SACM1L: variants seen among roughly 807,000 people sequenced by gnomAD.
The protein encoded by SACM1L is SAC1 like phosphatidylinositide phosphatase, also known as phosphatidylinositol-3-phosphatase SAC1.
Under a neutral mutation model 89.5 loss-of-function variants are expected in SACM1L, and 32 were observed. The ratio of observed to expected loss-of-function variants is 0.36; its 90% CI spans 0.27 to 0.48. The LOEUF (loss-of-function observed/expected upper bound fraction) is 0.48, where lower values mean the gene tolerates loss of function less well. SACM1L is among the 20% of genes least tolerant of loss of function. SACM1L has a pLI of 0.99. For synonymous variants in SACM1L, 213 were observed against 232.8 expected, an observed-to-expected ratio of 0.92 and a Z score of 0.77; for missense variants, 543 against 708.5, an observed-to-expected ratio of 0.77 and a Z score of 2.65.
At position 45,744,700 on chromosome 3, in the gene SACM1L, C is replaced by T. The variant is rs545354768; in HGVS notation, c.*1031C>T. Reference sequence around the variant, plus strand: ...ACTCCAAATCAAGGACCAACTTAAACGTTAATTTTTGTGCAAAAACAAACC... The same window carrying T: ...ACTCCAAATCAAGGACCAACTTAAATGTTAATTTTTGTGCAAAAACAAACC... On this transcript the variant is annotated 3_prime_UTR_variant, in exon 20 of 20. Transcript: ENST00000389061. The T allele has an allele frequency of 6.6e-6, 1 of 152,570 alleles. No individual in the cohort carries two copies. The highest frequency in any genetic ancestry group is 2.4e-5 in the African/African-American group (1 of 41,428). The allele number at this position is 152,570 out of a possible 1,614,324, so 9.5% of individuals were successfully genotyped here.
intron 13 of SACM1L, among the ~76,000 whole-genome samples, chr3:45,732,449 C>T (rs1426408496): frequency 6.6e-6 from 1 of 152,164 alleles, no homozygotes; most frequent in Non-Finnish European, 1.5e-5. Context: ...TTTGTATTGT[C>T]GTTTCCACTA....
chr3:45,721,225 A>G (rs1698779927), intron 8 of SACM1L, among the ~76,000 whole-genome samples: 1 of 152,240 alleles, frequency 6.6e-6, no homozygotes, highest in Admixed American at 6.5e-5. Flanking sequence ...AAAATATTAT[A>G]AACTAGCCTA....
intron 5 of SACM1L, among the ~76,000 whole-genome samples, chr3:45,711,473 T>A (rs1698528230): frequency 6.6e-6 from 1 of 151,804 alleles, no homozygotes; most frequent in Non-Finnish European, 1.5e-5. Flanking sequence ...CAAAAAAATT[T>A]AAAAATTAAT....
chr3:45,699,683 G>C (rs1440501458), intron 1 of SACM1L, among the ~76,000 whole-genome samples: 1 of 151,986 alleles, frequency 6.6e-6, no homozygotes, highest in Non-Finnish European at 1.5e-5. Flanking sequence ...CACCACACCT[G>C]GCTAATTTTT....
intron 1 of SACM1L, among the ~76,000 whole-genome samples, chr3:45,699,284 AAAAT>A (rs891227259): frequency 1.5e-4 from 23 of 151,174 alleles, no homozygotes; most frequent in Admixed American, 4.6e-4. Context: ...AAGTATAATT[AAAAT>A]AAATAAATAA....
Position 45,706,839 on chromosome 3 carries a change from G to T in SACM1L, c.265G>T (p.Val89Phe). 2 of 1,612,916 alleles carry T rather than the reference G, an allele frequency of 1.2e-6. No individual in the cohort carries two copies. Among genetic ancestry groups the T allele is most frequent in the Non-Finnish European group, 1.7e-6 (2 of 1,179,172 alleles). The change falls in exon 4 of 20, where the codon GTC becomes TTC. Residue 89 changes from valine to phenylalanine, a missense_variant. Val to Phe is a conservative substitution (Grantham distance 50, BLOSUM62 -1). Coordinates refer to ENST00000389061, the MANE Select transcript of SACM1L (RefSeq NM_014016.5). ...IKVGEFFSHVVWKATDFDVLS... is the reference protein window; with the variant it reads ...IKVGEFFSHVFWKATDFDVLS... ...AGTAGGTGAATTTTTCAGTCATGTAGTCTGGAAAGCAACAGATTTTGATGT... is the reference window on the plus strand; with the variant it reads ...AGTAGGTGAATTTTTCAGTCATGTATTCTGGAAAGCAACAGATTTTGATGT...
intron 1 of SACM1L, among the ~76,000 whole-genome samples, chr3:45,698,420 C>T (rs1244236263): frequency 6.6e-6 from 1 of 152,180 alleles, no homozygotes; most frequent in East Asian, 1.9e-4. Context: ...TCAGAATAGC[C>T]TGATGGCAGC....
At chr3:45,711,152 A>C (rs1192596230) in intron 5 of SACM1L, among the ~76,000 whole-genome samples, 1 of 152,114 alleles carries the variant, frequency 6.6e-6, no homozygotes, top group East Asian at 1.9e-4. Context: ...TTTATAAAGT[A>C]AGGTATCTAC....
chr3:45,735,468 C>A, intron 14 of SACM1L, 95 bp downstream of exon 14: 2 of 1,189,440 alleles, frequency 1.7e-6, no homozygotes, highest in Non-Finnish European at 2.3e-6. Context: ...ACATTGCCCA[C>A]ACCCTAACCC....
At chr3:45,738,380 C>T (rs1420838649) in intron 16 of SACM1L, among the ~76,000 whole-genome samples, 198 bp from the exon 17 acceptor site, 1 of 152,120 alleles carries the variant, frequency 6.6e-6, no homozygotes, top group Non-Finnish European at 1.5e-5. Context: ...CTTTGTGCCT[C>T]CTTTGGTAAT....
At position 45,724,341 on chromosome 3, in the gene SACM1L, A is replaced by G. The variant is rs1000453146; in HGVS notation, c.921+798A>G. Among the ~76,000 whole-genome samples, 41 of 120,076 alleles carry G rather than the reference A, an allele frequency of 3.4e-4. 1 individual carries two copies. Among genetic ancestry groups the G allele is most frequent in the Non-Finnish European group, 7.5e-5 (4 of 53,238 alleles). 78.8% of individuals were successfully genotyped at this position (120,076 alleles called of 152,430 possible). On this transcript the variant is annotated intron_variant, in intron 11 of 19. Transcript: ENST00000389061. Reference sequence around the variant, plus strand: ...TGTGTGTGTGTGTGTGTGTTTAATGATAGCCATCCCAATGGGTGTGGAGTG... The same window carrying G: ...TGTGTGTGTGTGTGTGTGTTTAATGGTAGCCATCCCAATGGGTGTGGAGTG...
rs532353779 is a variant in SACM1L, at chr3:45,699,742, A to G, written c.33-3696A>G. Among the ~76,000 whole-genome samples, 82 of 152,194 alleles carry G rather than the reference A, an allele frequency of 5.4e-4. 1 individual carries two copies. Among genetic ancestry groups the G allele is most frequent in the African/African-American group, 1.9e-3 (80 of 41,532 alleles). ...TCACTGTGTCGGCCAGGCTGGACTCAAACTTCTCACCTCAAACGATCTGCC... is the reference window on the plus strand; with the variant it reads ...TCACTGTGTCGGCCAGGCTGGACTCGAACTTCTCACCTCAAACGATCTGCC... On this transcript the variant is annotated intron_variant, in intron 1 of 19. Transcript: ENST00000389061.
chr3:45,738,851 C>G lies in SACM1L; in HGVS notation c.1547C>G (p.Pro516Arg). ...ELESHSPLSV[P>R]RDWKFLALPI... is the part of the protein sequence containing the mutation. Reference sequence around the variant, plus strand: ...GAATCTCATAGTCCTTTAAGTGTTCCAAGGGACTGGAAATTCCTGGCTGTA... The same window carrying G: ...GAATCTCATAGTCCTTTAAGTGTTCGAAGGGACTGGAAATTCCTGGCTGTA... Residue 516 changes from proline (P) to arginine (R), a missense_variant, in exon 18 of 20, where the codon CCA (proline) becomes CGA (arginine). Pro to Arg is a moderately radical substitution (Grantham distance 103). This residue lies in a region of SACM1L where 370 missense variants were observed against 527.6 expected (regional missense o/e 0.70). Transcript: ENST00000389061. 2 of 1,606,592 alleles carry G rather than the reference C, an allele frequency of 1.2e-6. No individual in the cohort carries two copies.
chr3:45,692,211 T>G (rs1698011221), intron 1 of SACM1L, among the ~76,000 whole-genome samples: 1 of 152,264 alleles, frequency 6.6e-6, no homozygotes, highest in Non-Finnish European at 1.5e-5. Flanking sequence ...CTTGACTACT[T>G]GTTTTGTGTC....
chr3:45,704,795 A>C (rs1376970892), intron 2 of SACM1L, among the ~76,000 whole-genome samples: 1 of 152,226 alleles, frequency 6.6e-6, no homozygotes, highest in Non-Finnish European at 1.5e-5. Context: ...TTCCACGCAA[A>C]GTCAGTACTG....
intron 11 of SACM1L, among the ~76,000 whole-genome samples, chr3:45,729,399 A>G (rs553541749): frequency 6.6e-6 from 1 of 152,222 alleles, no homozygotes; most frequent in East Asian, 1.9e-4. Flanking sequence ...GGAAATTTTT[A>G]TATCTCTGTA....
At chr3:45,729,940 T>G (rs1699007975) in intron 11 of SACM1L, among the ~76,000 whole-genome samples, 1 of 152,166 alleles carries the variant, frequency 6.6e-6, no homozygotes, top group Non-Finnish European at 1.5e-5. Flanking sequence ...TGTACTCTTT[T>G]GCTCCAGAAT....
chr3:45,729,627 T>C (rs1699001052), intron 11 of SACM1L, among the ~76,000 whole-genome samples: 1 of 152,234 alleles, frequency 6.6e-6, no homozygotes, highest in Non-Finnish European at 1.5e-5. Flanking sequence ...ATGATCCCAC[T>C]GTCTTCAGCC....
intron 7 of SACM1L, among the ~76,000 whole-genome samples, chr3:45,718,976 A>C (rs1424617127): frequency 1.3e-5 from 2 of 152,142 alleles, no homozygotes; most frequent in African/African-American, 4.8e-5. Flanking sequence ...GTAGAGTCAA[A>C]ATTTCCATTT....
Sources: gnomAD v4.1 joint callset for allele counts (sites outside exome capture counted in the v4.1 genomes callset) on GRCh38, gnomAD v4.1.1 for gene constraint, gnomAD v4.1.1 regional missense constraint, MANE v1.5 for transcripts, NCBI Gene and HGNC (gene_info 2026-07-23, HGNC 2026-07-21) for gene names.